GOLGA1: variants seen among roughly 807,000 people sequenced by gnomAD.
GOLGA1 encodes the protein golgin A1, also known as golgin subfamily A member 1.
GOLGA1 carries 63 observed loss-of-function variants against 119.7 expected under a neutral mutation model. That is an observed-to-expected ratio of 0.53 (90% CI 0.43 to 0.65). The LOEUF (loss-of-function observed/expected upper bound fraction) is 0.65, where lower values mean the gene tolerates loss of function less well. Among genes scored for constraint, GOLGA1 ranks in the 30% least tolerant of loss-of-function variants. The pLI is 0.00. For synonymous variants in GOLGA1, 318 were observed against 333.4 expected (o/e 0.95, Z 0.50); for missense variants, 798 against 912.8 (o/e 0.87, Z 1.62).
rs565733544 is a variant in GOLGA1 at position 124,926,461 on chromosome 9, C to T, written c.432+248G>A. The stretch of plus-strand genomic sequence containing the variant: ...GCCCTGCTGATACAGTTTCTATCGG[C>T]GTTCAGGTACACAGAGAAAGGGAAG... On this transcript the variant is annotated intron_variant, in intron 7 of 22. Coordinates refer to ENST00000373555, the MANE Select transcript of GOLGA1 (RefSeq NM_002077.4). 4.6e-5 allele frequency among the ~76,000 whole-genome samples: 7 copies of T among 152,188 alleles called. 1 individual carries two copies. The highest frequency in any genetic ancestry group is 3.3e-4 in the Admixed American group (5 of 15,278).
chr9:124,910,345 G>A (rs762883093), intron 11 of GOLGA1, among the ~76,000 whole-genome samples: 7 of 151,940 alleles, frequency 4.6e-5, no homozygotes, highest in Admixed American at 1.3e-4. Context: ...GATTACAGGC[G>A]TGAGCCACCA....
chr9:124,889,434 C>T lies in GOLGA1; in HGVS notation c.1600G>A (p.Gly534Ser). The T allele has an allele frequency of 6.2e-7, 1 of 1,609,200 alleles. No individual in the cohort carries two copies. The highest frequency in any genetic ancestry group is 8.5e-7 in the Non-Finnish European group (1 of 1,175,330). The change falls in exon 17 of 23, where the codon GGT (glycine) becomes AGT (serine). Residue 534 changes from glycine (G) to serine (S), a missense_variant and splice_region_variant. Physicochemically the swap from Gly to Ser is moderately conservative, Grantham distance 56. Coordinates refer to ENST00000373555, the MANE Select transcript of GOLGA1 (RefSeq NM_002077.4). ...KEQEILQLER[G>S]HNSALLQIHQ... The stretch of plus-strand genomic sequence containing the variant: ...GCTCAGCCAGGGACCGACTCCTCAC[C>T]TCGCTCCAGCTGGAGAATCTCCTGC...
At chr9:124,937,342 A>T (rs1258493447) in intron 3 of GOLGA1, among the ~76,000 whole-genome samples, 2 of 152,056 alleles carry the variant, frequency 1.3e-5, no homozygotes, top group African/African-American at 4.8e-5. Context: ...GTCCCAAGCT[A>T]CTCAGGAGGC....
chr9:124,889,100 T>G, intron 18 of GOLGA1, 43 bp downstream of exon 18: 1 of 1,534,958 alleles, frequency 6.5e-7, no homozygotes, highest in Non-Finnish European at 8.9e-7. Flanking sequence ...GCACCTGCCC[T>G]GCATCTTGCT....
At chr9:124,938,480 T>G in intron 3 of GOLGA1, 97 bp downstream of exon 3, 1 of 1,033,966 alleles carries the variant, frequency 9.7e-7, no homozygotes, top group Non-Finnish European at 1.5e-6. Flanking sequence ...TGTACAGCTA[T>G]AAACCATGAA....
chr9:124,880,062 A>T lies in GOLGA1; in HGVS notation c.*468T>A, dbSNP rs1829538861. Reference sequence around the variant, plus strand: ...CTTCTAACTCATCTGAATTTTTAAAAGCCACTCCCATAGAGTTCCCATGGA... The same window carrying T: ...CTTCTAACTCATCTGAATTTTTAAATGCCACTCCCATAGAGTTCCCATGGA... On this transcript the variant is annotated 3_prime_UTR_variant, in exon 23 of 23. Transcript: ENST00000373555. 1 of 153,060 alleles carries T rather than the reference A, an allele frequency of 6.5e-6. No individual in the cohort carries two copies. Among genetic ancestry groups the T allele is most frequent in the Admixed American group, 6.5e-5 (1 of 15,400 alleles). The allele number at this position is 153,060 out of a possible 1,614,324, so 9.5% of individuals were successfully genotyped here. A position where few individuals can be genotyped will look rare whatever the true frequency, so the allele number is the denominator to read the frequency against.
At chr9:124,924,655 A>G (rs577087846) in intron 7 of GOLGA1, among the ~76,000 whole-genome samples, 1 of 151,506 alleles carries the variant, frequency 6.6e-6, no homozygotes, top group Admixed American at 6.6e-5. Context: ...AAAAAAAGAA[A>G]AAAAGAAAAA....
chr9:124,921,485 T>G (rs538869529), intron 9 of GOLGA1, among the ~76,000 whole-genome samples: 24 of 152,222 alleles, frequency 1.6e-4, no homozygotes, highest in Admixed American at 8.5e-4. Flanking sequence ...CTTTACAAAC[T>G]AAAACCACAC....
At chr9:124,896,885 T>C (rs1342506470) in intron 15 of GOLGA1, among the ~76,000 whole-genome samples, 1 of 151,810 alleles carries the variant, frequency 6.6e-6, no homozygotes, top group Non-Finnish European at 1.5e-5. Flanking sequence ...TGAGCTGTGA[T>C]CACACCACTG....
rs1829591574 is a variant in GOLGA1, at chr9:124,881,856, T to C, written c.2064A>G (p.Thr688=). 1.9e-6 allele frequency: 3 copies of C among 1,612,974 alleles called. No individual in the cohort carries two copies. The highest frequency in any genetic ancestry group is 4.5e-5 in the East Asian group (2 of 44,894). ...APSVTNNTDL[T]DAREINFEYL... is the part of the protein sequence containing the mutation. ...ACTCAAAGTTGATCTCGCGGGCATCTGTCAGGTCAGTGTTATTCGTGACGG... is the reference window on the plus strand; with the variant it reads ...ACTCAAAGTTGATCTCGCGGGCATCCGTCAGGTCAGTGTTATTCGTGACGG... The change falls in exon 21 of 23, where the codon ACA becomes ACG. Residue 688 remains threonine (T), a synonymous_variant. Transcript: ENST00000373555. This position sits in a 1 kb window ranked among gnomAD's most constrained non-coding sequence, Gnocchi z 4.9.
intron 6 of GOLGA1, 65 bp from the exon 7 acceptor site, chr9:124,926,806 G>A: frequency 8.5e-6 from 7 of 823,374 alleles, no homozygotes; most frequent in South Asian, 4.3e-5. Context: ...AAGATTTTCA[G>A]AAAACAAAAC....
In GOLGA1 at chr9:124,889,684, C is replaced by A. The variant is rs1829291525; in HGVS notation, c.1498-148G>T. On this transcript the variant is annotated intron_variant, in intron 16 of 22. Transcript: ENST00000373555. ...AGCAAACCCCCAGCTAAGCTCTGCTCCTATGAACATGCACAAATCTATTCT... is the reference window on the plus strand; with the variant it reads ...AGCAAACCCCCAGCTAAGCTCTGCTACTATGAACATGCACAAATCTATTCT... 1.2e-5 allele frequency: 8 copies of A among 684,164 alleles called. No individual in the cohort carries two copies. In the Admixed American group the frequency reaches 1.7e-4, roughly 15 times the overall value. The allele number at this position is 684,164 out of a possible 1,614,324, so 42.4% of individuals were successfully genotyped here. A position where few individuals can be genotyped will look rare whatever the true frequency, so the allele number is the denominator to read the frequency against.
chr9:124,916,703 A>C (rs1032143791), intron 10 of GOLGA1, among the ~76,000 whole-genome samples: 1 of 151,716 alleles, frequency 6.6e-6, no homozygotes. Flanking sequence ...GTGAGACCTT[A>C]ACTATAAAAA....
In GOLGA1 at chr9:124,881,316, CG is replaced by C; in HGVS notation, c.2137-60del. The C allele has an allele frequency of 1.1e-6, 1 of 946,884 alleles. No homozygotes were observed. Among genetic ancestry groups the C allele is most frequent in the Non-Finnish European group, 1.8e-6 (1 of 570,802 alleles). 58.7% of individuals were successfully genotyped at this position (946,884 alleles called of 1,614,324 possible). ...TGGTGAAGGTGAGGCGGGGTGGGGT[CG>C]GGGGAGCTACGTGGCATTTCCTGCT... On this transcript the variant is annotated intron_variant, in intron 21 of 22. Transcript: ENST00000373555. This position sits in a 1 kb window ranked among gnomAD's most constrained non-coding sequence, Gnocchi z 4.9.
chr9:124,906,878 A>T (rs1188834125), intron 12 of GOLGA1, among the ~76,000 whole-genome samples: 1 of 152,210 alleles, frequency 6.6e-6, no homozygotes, highest in Non-Finnish European at 1.5e-5. Flanking sequence ...ACACACAGAA[A>T]ATAATCTGAA....
chr9:124,917,769 T>C (rs907674896), intron 10 of GOLGA1, among the ~76,000 whole-genome samples: 23 of 152,146 alleles, frequency 1.5e-4, no homozygotes, highest in African/African-American at 5.1e-4. Flanking sequence ...TCTCCCATCA[T>C]CCCTTTCTCT....
intron 4 of GOLGA1, 84 bp from the exon 5 acceptor site, chr9:124,929,374 T>C (rs1830732961): frequency 2.4e-6 from 2 of 848,766 alleles, no homozygotes; most frequent in African/African-American, 1.7e-5. Context: ...TGAATGGAAA[T>C]GATGATGATT....
chr9:124,908,183 A>C (rs1830270087), intron 12 of GOLGA1, among the ~76,000 whole-genome samples, 194 bp downstream of exon 12: 1 of 152,240 alleles, frequency 6.6e-6, no homozygotes, highest in Admixed American at 6.5e-5. Context: ...AAAGGGTATA[A>C]ATAAACATAT....
At chr9:124,932,606 TAAAA>T (rs1830788695) in intron 3 of GOLGA1, among the ~76,000 whole-genome samples, 2 of 152,210 alleles carry the variant, frequency 1.3e-5, no homozygotes, top group African/African-American at 4.8e-5. Flanking sequence ...GTCAAATCCC[TAAAA>T]CACAGCCTGG....
Sources: allele counts gnomAD v4.1 joint callset (sites outside exome capture counted in the v4.1 genomes callset), GRCh38; gene constraint gnomAD v4.1.1; non-coding constraint Gnocchi (gnomAD v3.1); transcripts MANE v1.5; gene names NCBI Gene and HGNC (gene_info 2026-07-23, HGNC 2026-07-21).